Variants in DOHH observed in about 807,000 individuals in gnomAD.
The protein encoded by DOHH is deoxyhypusine hydroxylase.
Under a neutral mutation model 19.9 loss-of-function variants are expected in DOHH, and 16 were observed. The ratio of observed to expected loss-of-function variants is 0.80; its 90% CI spans 0.54 to 1.22. DOHH has a LOEUF of 1.22. DOHH is among the 50% of genes most tolerant of loss of function. DOHH has a pLI of 0.00. For synonymous variants in DOHH, 233 were observed against 217.0 expected (o/e 1.07, Z -0.65); for missense variants, 460 against 460.6 (o/e 1.00, Z 0.01).
At chr19:3,499,247 G>A (rs1290873368) in intron 1 of DOHH, among the ~76,000 whole-genome samples, 1 of 152,132 alleles carries the variant, frequency 6.6e-6, no homozygotes, top group Non-Finnish European at 1.5e-5. Flanking sequence ...AGCCTTCCCT[G>A]ATCACAATGG....
chr19:3,494,232 C>G (rs1462368310), intron 2 of DOHH, 128 bp from the exon 3 acceptor site: 1 of 747,372 alleles, frequency 1.3e-6, no homozygotes, highest in African/African-American at 1.8e-5. Flanking sequence ...CCTCTGTCCA[C>G]GGCTGATTGG....
rs2082865503 is a variant in DOHH at position 3,491,082 on chromosome 19, TCCTCCCTTGGCTTCCCTC to T, written c.*392_*409del. On this transcript the variant is annotated 3_prime_UTR_variant, in exon 5 of 5. Coordinates refer to ENST00000427575, the MANE Select transcript of DOHH (RefSeq NM_001145165.2). This position sits in a 1 kb window ranked among gnomAD's most constrained non-coding sequence, Gnocchi z 5.6. The stretch of plus-strand genomic sequence containing the variant: ...GATCCTCCCCTGGCTCCCCTCGCGA[TCCTCCCTTGGCTTCCCTC>T]GCGATCCTCCCCTGGCTTCCCTCGC... 1 of 221,072 alleles carries T rather than the reference TCCTCCCTTGGCTTCCCTC, an allele frequency of 4.5e-6. No individual in the cohort carries two copies. Among genetic ancestry groups the T allele is most frequent in the African/African-American group, 2.9e-5 (1 of 34,870 alleles). 13.7% of individuals were successfully genotyped at this position (221,072 alleles called of 1,614,324 possible). A position where few individuals can be genotyped will look rare whatever the true frequency, so the allele number is the denominator to read the frequency against.
intron 2 of DOHH, among the ~76,000 whole-genome samples, chr19:3,495,790 C>T (rs1010696114): frequency 2.0e-5 from 3 of 151,752 alleles, no homozygotes; most frequent in Admixed American, 1.3e-4. Flanking sequence ...ACACCTGTAA[C>T]GCTATCTACT....
chr19:3,491,403 T>G lies in DOHH; in HGVS notation c.*89A>C. 1 of 1,360,782 alleles carries G rather than the reference T, an allele frequency of 7.3e-7. No individual in the cohort carries two copies. The highest frequency in any genetic ancestry group is 2.6e-5 in the East Asian group (1 of 38,806). 84.3% of individuals were successfully genotyped at this position (1,360,782 alleles called of 1,614,324 possible). On this transcript the variant is annotated 3_prime_UTR_variant, in exon 5 of 5. Coordinates refer to ENST00000427575, the MANE Select transcript of DOHH (RefSeq NM_001145165.2). The surrounding 1 kb of genome is among the most constrained non-coding windows in gnomAD (Gnocchi z 5.6). ...AGCAAGACACAAGCGATGACACCGATTTACACACACCCGGTTTAGACGCCA... is the reference window on the plus strand; with the variant it reads ...AGCAAGACACAAGCGATGACACCGAGTTACACACACCCGGTTTAGACGCCA...
intron 1 of DOHH, among the ~76,000 whole-genome samples, chr19:3,500,353 C>T (rs2082941093): frequency 6.6e-6 from 1 of 152,172 alleles, no homozygotes; most frequent in Non-Finnish European, 1.5e-5. Context: ...CCCAACCGTA[C>T]GACATAGGAG....
chr19:3,493,948 C>G (rs2082889123), intron 3 of DOHH, 80 bp downstream of exon 3: 9 of 1,388,940 alleles, frequency 6.5e-6, no homozygotes, highest in Non-Finnish European at 8.9e-6. Flanking sequence ...GAGGCTGCTC[C>G]AGGTCAGGGC....
chr19:3,496,478 C>T lies in DOHH; in HGVS notation c.274+63G>A, dbSNP rs935528764. On this transcript the variant is annotated intron_variant, in intron 2 of 4. Transcript: ENST00000427575. This position sits in a 1 kb window ranked among gnomAD's most constrained non-coding sequence, Gnocchi z 4.8. ...TATCACCTGAGTGAGGAAGGGGACA[C>T]GTGGGGTCATGAAGAAGTGAGGCAG... The T allele has an allele frequency of 9.6e-6, 15 of 1,564,412 alleles. No homozygotes were observed. Among genetic ancestry groups the T allele is most frequent in the Middle Eastern group, 1.7e-4 (1 of 5,926 alleles).
chr19:3,494,253 G>A, intron 2 of DOHH, 149 bp from the exon 3 acceptor site: 1 of 659,150 alleles, frequency 1.5e-6, no homozygotes, highest in African/African-American at 1.8e-5. Flanking sequence ...AGCAGCAGTC[G>A]GTACAGGCTC....
At position 3,492,323 on chromosome 19, in the gene DOHH, G is replaced by T. The variant is rs1381060413; in HGVS notation, c.528C>A (p.Tyr176Ter). 1 of 1,545,124 alleles carries T rather than the reference G, an allele frequency of 6.5e-7. No homozygotes were observed. Among genetic ancestry groups the T allele is most frequent in the Admixed American group, 1.9e-5 (1 of 52,148 alleles). Residue 176 changes from tyrosine to a stop codon, truncating the protein, a stop_gained, in exon 4 of 5, where the codon TAC becomes TAA. Transcript: ENST00000427575. LOFTEE classifies it high-confidence loss of function. ...CGTTGCGCAGGGCGAACATGGCGCG[G>T]TATCGCTCGAAGAGCGGCCGGGACT... The part of the protein sequence containing the change: ...LDESRPLFER[Y>*]RAMFALRNAG...
chr19:3,492,105 G>A (rs956423778), intron 4 of DOHH, among the ~76,000 whole-genome samples, 157 bp downstream of exon 4: 2 of 152,168 alleles, frequency 1.3e-5, no homozygotes, highest in Non-Finnish European at 2.9e-5. Context: ...CAAGAGGGAC[G>A]CTTGCACGGG....
At position 3,496,606 on chromosome 19, in the gene DOHH, G is replaced by A. The variant is rs1490453111; in HGVS notation, c.209C>T (p.Ala70Val). 5.0e-6 allele frequency: 8 copies of A among 1,613,900 alleles called. No individual in the cohort carries two copies. The highest frequency in any genetic ancestry group is 6.8e-6 in the Non-Finnish European group (8 of 1,180,044). The change falls in exon 2 of 5, where the codon GCC (alanine) becomes GTC (valine). Residue 70 changes from alanine (A) to valine (V), a missense_variant. Physicochemically the swap from Ala to Val is moderately conservative, Grantham distance 64. Coordinates refer to ENST00000427575, the MANE Select transcript of DOHH (RefSeq NM_001145165.2). This position sits in a 1 kb window ranked among gnomAD's most constrained non-coding sequence, Gnocchi z 4.8. Reference protein sequence around the residue: ...YCLGQMQDARAIPMLVDVLQD... With the variant: ...YCLGQMQDARVIPMLVDVLQD... Reference sequence around the variant, plus strand: ...CAGCACGTCCACCAGCATGGGGATGGCGCGGGCATCCTGCATCTGGCCCAG... The same window carrying A: ...CAGCACGTCCACCAGCATGGGGATGACGCGGGCATCCTGCATCTGGCCCAG...
At chr19:3,497,208 C>T (rs555815242) in intron 1 of DOHH, among the ~76,000 whole-genome samples, 7 of 152,158 alleles carry the variant, frequency 4.6e-5, no homozygotes, top group Non-Finnish European at 1.0e-4. Context: ...CTTTATATAG[C>T]GATCCCCACC....
chr19:3,497,512 C>T (rs1180687585), intron 1 of DOHH, among the ~76,000 whole-genome samples: 1 of 152,224 alleles, frequency 6.6e-6, no homozygotes, highest in East Asian at 1.9e-4. Context: ...GATGCAGCCC[C>T]AGAGCGTCTC....
At position 3,496,611 on chromosome 19, in the gene DOHH, G is replaced by A; in HGVS notation, c.204C>T (p.Ala68=). 1 of 1,614,040 alleles carries A rather than the reference G, an allele frequency of 6.2e-7. No individual in the cohort carries two copies. Among genetic ancestry groups the A allele is most frequent in the Non-Finnish European group, 8.5e-7 (1 of 1,180,040 alleles). Residue 68 remains alanine, a synonymous_variant, in exon 2 of 5, where the codon GCC becomes GCT. Transcript: ENST00000427575. This position sits in a 1 kb window ranked among gnomAD's most constrained non-coding sequence, Gnocchi z 4.8. ...LAYCLGQMQD[A]RAIPMLVDVL... ...CGTCCACCAGCATGGGGATGGCGCG[G>A]GCATCCTGCATCTGGCCCAGGCAGT...
At chr19:3,495,898 G>A (rs1166459883) in intron 2 of DOHH, among the ~76,000 whole-genome samples, 1 of 152,160 alleles carries the variant, frequency 6.6e-6, no homozygotes, top group Non-Finnish European at 1.5e-5. Context: ...GACAGAGTGA[G>A]ACTCTGACTC....
intron 1 of DOHH, among the ~76,000 whole-genome samples, chr19:3,498,710 C>T (rs2082927996): frequency 1.3e-5 from 2 of 151,998 alleles, no homozygotes; most frequent in Admixed American, 1.3e-4. Context: ...CAGCCAATAA[C>T]GAAGGAATTC....
Position 3,490,927 on chromosome 19 carries a change from G to GTCCC in DOHH, c.*561_*564dup, listed in dbSNP as rs1179142987. The stretch of plus-strand genomic sequence containing the variant: ...TGACCCACTCAGGGACCACCACCCT[G>GTCCC]TCCCTACCCAGGCCTCGGGGTGGGG... On this transcript the variant is annotated 3_prime_UTR_variant, in exon 5 of 5. Coordinates refer to ENST00000427575, the MANE Select transcript of DOHH (RefSeq NM_001145165.2). The GTCCC allele has an allele frequency of 1.2e-5, 2 of 170,838 alleles. No individual in the cohort carries two copies. Among genetic ancestry groups the GTCCC allele is most frequent in the Admixed American group, 6.5e-5 (1 of 15,468 alleles). The allele number at this position is 170,838 out of a possible 1,614,324, so 10.6% of individuals were successfully genotyped here. A position where few individuals can be genotyped will look rare whatever the true frequency, so the allele number is the denominator to read the frequency against.
At position 3,491,639 on chromosome 19, in the gene DOHH, G is replaced by A. The variant is rs1237703815; in HGVS notation, c.762C>T (p.Cys254=). Reference sequence around the variant, plus strand: ...CCGCGTGAGCCTGCAGCGCGGCCAGGCAGGCGGGCCGGGCAATGGCGCCCA... The same window carrying A: ...CCGCGTGAGCCTGCAGCGCGGCCAGACAGGCGGGCCGGGCAATGGCGCCCA... The part of the protein sequence containing the change: ...EALGAIARPA[C]LAALQAHADD... Residue 254 remains cysteine (C), a synonymous_variant, in exon 5 of 5, where the codon TGC becomes TGT. Transcript: ENST00000427575. The surrounding 1 kb of genome is among the most constrained non-coding windows in gnomAD (Gnocchi z 5.6). 5 of 1,534,992 alleles carry A rather than the reference G, an allele frequency of 3.3e-6. No individual in the cohort carries two copies. The highest frequency in any genetic ancestry group is 3.9e-5 in the Admixed American group (2 of 50,788).
Position 3,491,411 on chromosome 19 carries a change from C to T in DOHH, c.*81G>A, listed in dbSNP as rs1420785731. 7.1e-7 allele frequency: 1 copy of T among 1,399,812 alleles called. No individual in the cohort carries two copies. Among genetic ancestry groups the T allele is most frequent in the East Asian group, 2.5e-5 (1 of 39,440 alleles). 86.7% of individuals were successfully genotyped at this position (1,399,812 alleles called of 1,614,324 possible). ...ACAAGCGATGACACCGATTTACACA[C>T]ACCCGGTTTAGACGCCAAAGCTCTG... On this transcript the variant is annotated 3_prime_UTR_variant, in exon 5 of 5. Coordinates refer to ENST00000427575, the MANE Select transcript of DOHH (RefSeq NM_001145165.2). This position sits in a 1 kb window ranked among gnomAD's most constrained non-coding sequence, Gnocchi z 5.6.
Sources: allele counts gnomAD v4.1 joint callset (sites outside exome capture counted in the v4.1 genomes callset), GRCh38; gene constraint gnomAD v4.1.1; non-coding constraint Gnocchi (gnomAD v3.1); transcripts MANE v1.5; gene names NCBI Gene and HGNC (gene_info 2026-07-23, HGNC 2026-07-21).